CHST9: variants seen among roughly 807,000 people sequenced by gnomAD.
The protein encoded by CHST9 is carbohydrate sulfotransferase 9.
In CHST9, 41 loss-of-function variants were observed where a neutral mutation model predicts 44.4. The ratio of observed to expected loss-of-function variants is 0.92; its 90% CI spans 0.72 to 1.20. The LOEUF (loss-of-function observed/expected upper bound fraction) is 1.20. Among genes scored for constraint, CHST9 ranks in the 50% most tolerant of loss-of-function variants. CHST9 has a pLI of 0.00. For missense variants in CHST9, 504 were observed against 516.5 expected (o/e 0.98, Z 0.23); for synonymous variants, 171 against 178.4 (o/e 0.96, Z 0.33).
intron 2 of CHST9, among the ~76,000 whole-genome samples, chr18:27,095,019 G>A (rs1256199827): frequency 1.3e-5 from 2 of 152,080 alleles, no homozygotes; most frequent in Admixed American, 6.5e-5. Context: ...TAAGAGACAG[G>A]TTAGTTGACA....
At chr18:26,999,252 G>A (rs2056921710) in intron 4 of CHST9, among the ~76,000 whole-genome samples, 2 of 152,056 alleles carry the variant, frequency 1.3e-5, no homozygotes. Flanking sequence ...CCATGGAGCA[G>A]GTAATAAATA....
chr18:27,181,185 T>C (rs2058908982), intron 1 of CHST9, among the ~76,000 whole-genome samples: 1 of 152,216 alleles, frequency 6.6e-6, no homozygotes. Flanking sequence ...CACAGAGGTT[T>C]TCTAAATTCT....
intron 2 of CHST9, among the ~76,000 whole-genome samples, chr18:27,097,642 CA>C (rs1314648049): frequency 6.6e-6 from 1 of 152,098 alleles, no homozygotes; most frequent in African/African-American, 2.4e-5. Context: ...GTGTTTTAGT[CA>C]TGAAGTCTTT....
chr18:27,113,190 G>GAA (rs34392939), intron 2 of CHST9, among the ~76,000 whole-genome samples: 1 of 133,670 alleles, frequency 7.5e-6, no homozygotes, highest in Non-Finnish European at 1.6e-5. Flanking sequence ...CTCCATCTCA[G>GAA]AAAAAAAAAA....
intron 1 of CHST9, among the ~76,000 whole-genome samples, chr18:27,173,906 A>G (rs1396657973): frequency 1.3e-5 from 2 of 152,004 alleles, no homozygotes; most frequent in Admixed American, 6.6e-5. Context: ...AATTATTAAC[A>G]TTTTGCCATA....
chr18:27,165,810 A>G (rs542089834), intron 1 of CHST9, among the ~76,000 whole-genome samples: 2 of 152,338 alleles, frequency 1.3e-5, no homozygotes, highest in South Asian at 2.1e-4. Context: ...TTAAGAAAAC[A>G]TTGTATTTTC....
At chr18:26,929,403 A>C (rs144859190) in intron 5 of CHST9, among the ~76,000 whole-genome samples, 1,763 of 152,342 alleles carry the variant, frequency 0.012, 10 homozygotes, top group Non-Finnish European at 0.02. Context: ...ACAGTACCTG[A>C]CATATAGTGT....
At chr18:27,156,530 C>T (rs1339089910) in intron 1 of CHST9, among the ~76,000 whole-genome samples, 1 of 151,960 alleles carries the variant, frequency 6.6e-6, no homozygotes, top group Admixed American at 6.6e-5. Flanking sequence ...GGTGTTGTGA[C>T]TGAAAATAGT....
At chr18:27,109,879 G>GGCA (rs776256042) in intron 2 of CHST9, among the ~76,000 whole-genome samples, 4 of 152,108 alleles carry the variant, frequency 2.6e-5, no homozygotes, top group Non-Finnish European at 4.4e-5. Flanking sequence ...CTGAGTCCTT[G>GGCA]GCACCGTGGA....
At chr18:27,126,103 C>T (rs1050273079) in intron 2 of CHST9, among the ~76,000 whole-genome samples, 5 of 152,192 alleles carry the variant, frequency 3.3e-5, no homozygotes, top group African/African-American at 1.2e-4. Context: ...TGACAGAGTA[C>T]AATCATGCAC....
rs182197501 is a variant in CHST9, at chr18:27,004,973, C to T, written c.202+19143G>A. On this transcript the variant is annotated intron_variant, in intron 4 of 5. Coordinates refer to ENST00000618847, the MANE Select transcript of CHST9 (RefSeq NM_031422.6). ...GTTATATGAAGACTCAGATTCCTGA[C>T]ATCGTTTCTTTTAATTCAGTTTGTG... is the stretch of plus-strand genomic sequence containing the variant. Among the ~76,000 whole-genome samples the T allele has an allele frequency of 2.9e-4, 44 of 152,226 alleles. No individual in the cohort carries two copies. In the East Asian group the frequency reaches 7.3e-3, roughly 25 times the overall value.
At chr18:26,978,541 T>C (rs759044734) in intron 4 of CHST9, among the ~76,000 whole-genome samples, 2 of 152,102 alleles carry the variant, frequency 1.3e-5, no homozygotes, top group African/African-American at 2.4e-5. Flanking sequence ...TCACAAACAC[T>C]CGTCTGTTTT....
At chr18:26,995,548 C>G (rs1381229764) in intron 4 of CHST9, among the ~76,000 whole-genome samples, 1 of 151,956 alleles carries the variant, frequency 6.6e-6, no homozygotes, top group Non-Finnish European at 1.5e-5. Flanking sequence ...GAATAATAGA[C>G]TGCTGCTGTT....
At chr18:26,950,680 A>G (rs1271498911) in intron 4 of CHST9, among the ~76,000 whole-genome samples, 5 of 152,190 alleles carry the variant, frequency 3.3e-5, no homozygotes, top group Admixed American at 2.0e-4. Flanking sequence ...ATGAGGATGC[A>G]AAGGTGTAGA....
chr18:27,078,105 A>T (rs538327003), intron 2 of CHST9, among the ~76,000 whole-genome samples: 1 of 152,322 alleles, frequency 6.6e-6, no homozygotes, highest in East Asian at 1.9e-4. Context: ...AACACTGAGA[A>T]TTACAATTTG....
intron 2 of CHST9, among the ~76,000 whole-genome samples, chr18:27,049,643 C>G (rs1484329059): frequency 1.3e-5 from 2 of 152,060 alleles, no homozygotes; most frequent in African/African-American, 4.8e-5. Context: ...AACTTTTGAC[C>G]AAATGGACCT....
At chr18:26,968,012 G>A (rs752474754) in intron 4 of CHST9, among the ~76,000 whole-genome samples, 3 of 152,120 alleles carry the variant, frequency 2.0e-5, no homozygotes, top group East Asian at 1.9e-4. Flanking sequence ...TCAGGCCTTC[G>A]GCCGCAGACT....
intron 2 of CHST9, among the ~76,000 whole-genome samples, chr18:27,076,057 C>T (rs1436201920): frequency 1.2e-4 from 18 of 152,168 alleles, no homozygotes; most frequent in Admixed American, 1.2e-3. Flanking sequence ...TTATCGCATC[C>T]TCCGCTTCAA....
chr18:27,107,441 G>T (rs2058231481), intron 2 of CHST9, among the ~76,000 whole-genome samples: 1 of 152,148 alleles, frequency 6.6e-6, no homozygotes, highest in African/African-American at 2.4e-5. Flanking sequence ...GCAAAGACTT[G>T]TATTGAGAAT....
Sources: allele counts gnomAD v4.1 joint callset (sites outside exome capture counted in the v4.1 genomes callset), GRCh38; gene constraint gnomAD v4.1.1; transcripts MANE v1.5; gene names NCBI Gene and HGNC (gene_info 2026-07-23, HGNC 2026-07-21).